The following AHCYL2 variants were observed in gnomAD, a reference collection of about 807,000 sequenced individuals.
AHCYL2 encodes adenosylhomocysteinase like 2.
Under a neutral mutation model 81.4 loss-of-function variants are expected in AHCYL2, and 28 were observed. That is an observed-to-expected ratio of 0.34 (90% CI 0.25 to 0.47). The LOEUF (loss-of-function observed/expected upper bound fraction) is 0.47, where lower values mean the gene tolerates loss of function less well. Among genes scored for constraint, AHCYL2 ranks in the 20% least tolerant of loss-of-function variants. The probability of loss-of-function intolerance (pLI) is 1.00; values close to 1 mark genes in which losing one functional copy is unlikely to be tolerated. For synonymous variants in AHCYL2, 272 were observed against 290.2 expected, an observed-to-expected ratio of 0.94 and a Z score of 0.64; for missense variants, 551 against 785.1, an observed-to-expected ratio of 0.70 and a Z score of 3.56.
intron 1 of AHCYL2, among the ~76,000 whole-genome samples, chr7:129,242,907 TTGAG>T (rs1019952830): frequency 2.6e-5 from 4 of 152,140 alleles, no homozygotes; most frequent in Non-Finnish European, 5.9e-5. Flanking sequence ...GATAGTGAGA[TTGAG>T]TTTCTTCTAA....
At chr7:129,303,110 C>T (rs933452787) in intron 1 of AHCYL2, among the ~76,000 whole-genome samples, 1 of 152,084 alleles carries the variant, frequency 6.6e-6, no homozygotes, top group African/African-American at 2.4e-5. Context: ...AAGTAATTCC[C>T]CTGCTTCAGC....
intron 1 of AHCYL2, among the ~76,000 whole-genome samples, chr7:129,266,761 A>G (rs534084004): frequency 6.6e-6 from 1 of 152,358 alleles, no homozygotes; most frequent in African/African-American, 2.4e-5. Flanking sequence ...TTGGAGGATT[A>G]TAATAGAGTA....
chr7:129,278,791 A>G (rs187755856), intron 1 of AHCYL2, among the ~76,000 whole-genome samples: 1 of 140,562 alleles, frequency 7.1e-6, no homozygotes, highest in African/African-American at 2.7e-5. Context: ...TTGCATATGA[A>G]TATCTAATTG....
chr7:129,321,760 T>G (rs1452756833), intron 1 of AHCYL2, among the ~76,000 whole-genome samples: 2 of 146,166 alleles, frequency 1.4e-5, no homozygotes, highest in Non-Finnish European at 3.0e-5. Flanking sequence ...TTTTTTTTTT[T>G]TTTTGGTCTT....
intron 1 of AHCYL2, among the ~76,000 whole-genome samples, chr7:129,239,430 A>T (rs970799694): frequency 1.4e-5 from 2 of 141,940 alleles, no homozygotes; most frequent in Non-Finnish European, 3.1e-5. Context: ...ATTTTTATTA[A>T]TTTTTTTTTT....
At chr7:129,234,810 G>T (rs961846355) in intron 1 of AHCYL2, among the ~76,000 whole-genome samples, 1 of 152,172 alleles carries the variant, frequency 6.6e-6, no homozygotes, top group African/African-American at 2.4e-5. Flanking sequence ...CTGTCTTAAA[G>T]AATTTCTTCC....
At chr7:129,241,224 G>A (rs565687459) in intron 1 of AHCYL2, among the ~76,000 whole-genome samples, 9 of 152,268 alleles carry the variant, frequency 5.9e-5, no homozygotes, top group East Asian at 5.8e-4. Context: ...TTTTATAAAC[G>A]TTAAGTTCCA....
intron 1 of AHCYL2, among the ~76,000 whole-genome samples, chr7:129,227,216 T>C (rs1794257011): frequency 6.6e-6 from 1 of 152,194 alleles, no homozygotes; most frequent in African/African-American, 2.4e-5. Flanking sequence ...ATGATATTCT[T>C]ACTAATGCTT....
intron 1 of AHCYL2, among the ~76,000 whole-genome samples, chr7:129,267,235 G>GTGTGTGTGTATGTGTGTGTA (rs10661940): frequency 7.4e-6 from 1 of 135,606 alleles, no homozygotes; most frequent in Non-Finnish European, 1.6e-5. Flanking sequence ...CAAGGGGTGT[G>GTGTGTGTGTATGTGTGTGTA]TGTGTGTGTG....
At chr7:129,229,406 C>A (rs1794340764) in intron 1 of AHCYL2, among the ~76,000 whole-genome samples, 3 of 152,130 alleles carry the variant, frequency 2.0e-5, no homozygotes, top group African/African-American at 7.2e-5. Flanking sequence ...ATCCTCACAA[C>A]CATACTATGA....
chr7:129,290,791 G>A (rs763467758), intron 1 of AHCYL2, among the ~76,000 whole-genome samples: 42 of 151,590 alleles, frequency 2.8e-4, no homozygotes, highest in Admixed American at 1.3e-4. Flanking sequence ...TTAGCCGGGC[G>A]CAGTGGCGGG....
chr7:129,273,104 A>T (rs1796075639), intron 1 of AHCYL2, among the ~76,000 whole-genome samples: 1 of 151,718 alleles, frequency 6.6e-6, no homozygotes, highest in Non-Finnish European at 1.5e-5. Flanking sequence ...GTTTCACCAT[A>T]TCAGCCAGGC....
Position 129,306,889 on chromosome 7 carries a change from A to C in AHCYL2, c.364-72749A>C, listed in dbSNP as rs544065586. Reference sequence around the variant, plus strand: ...ACCTCGATGGTCTTGGGTAAGATCCAGATGAATTCTCTGGATTACCAGGCA... The same window carrying C: ...ACCTCGATGGTCTTGGGTAAGATCCCGATGAATTCTCTGGATTACCAGGCA... On this transcript the variant is annotated intron_variant, in intron 1 of 16. Coordinates refer to ENST00000325006, the MANE Select transcript of AHCYL2 (RefSeq NM_015328.4). Among the ~76,000 whole-genome samples, 74 of 152,346 alleles carry C rather than the reference A, an allele frequency of 4.9e-4. 1 individual carries two copies. In the Middle Eastern group the frequency reaches 0.01, roughly 21 times the overall value.
chr7:129,336,986 ATCCT>A (rs1300096101), intron 1 of AHCYL2, among the ~76,000 whole-genome samples: 1 of 152,134 alleles, frequency 6.6e-6, no homozygotes, highest in African/African-American at 2.4e-5. Context: ...GACTCAAGTG[ATCCT>A]TCTGCCTTGG....
chr7:129,315,235 C>T (rs1797791669), intron 1 of AHCYL2, among the ~76,000 whole-genome samples: 1 of 152,094 alleles, frequency 6.6e-6, no homozygotes, highest in Non-Finnish European at 1.5e-5. Flanking sequence ...ATCATGTAAT[C>T]TTCCCTTTTT....
chr7:129,393,227 G>A (rs1226669126), intron 4 of AHCYL2, among the ~76,000 whole-genome samples: 2 of 152,186 alleles, frequency 1.3e-5, no homozygotes. Flanking sequence ...GACTAGCCTA[G>A]GCAACATGGT....
chr7:129,304,569 G>C (rs1797361152), intron 1 of AHCYL2, among the ~76,000 whole-genome samples: 1 of 151,944 alleles, frequency 6.6e-6, no homozygotes, highest in Admixed American at 6.6e-5. Flanking sequence ...TCCAGTGTTG[G>C]GTACATATAT....
chr7:129,420,955 C>A (rs1364998988), intron 12 of AHCYL2, among the ~76,000 whole-genome samples: 1 of 152,124 alleles, frequency 6.6e-6, no homozygotes, highest in African/African-American at 2.4e-5. Context: ...TGTTCTGCAA[C>A]TTGATAGTGA....
intron 1 of AHCYL2, among the ~76,000 whole-genome samples, chr7:129,378,056 G>A (rs1264670673): frequency 6.6e-6 from 1 of 151,886 alleles, no homozygotes; most frequent in East Asian, 1.9e-4. Context: ...GCTCACGCCT[G>A]TAATCCCAGC....
Sources: allele counts gnomAD v4.1 joint callset (sites outside exome capture counted in the v4.1 genomes callset), GRCh38; gene constraint gnomAD v4.1.1; transcripts MANE v1.5; gene names NCBI Gene and HGNC (gene_info 2026-07-23, HGNC 2026-07-21).